Variants in CAPN8 observed in about 807,000 individuals in gnomAD.
CAPN8 encodes the protein calpain-8.
In CAPN8, 87 loss-of-function variants were observed where a neutral mutation model predicts 80.9. That is an observed-to-expected ratio of 1.07 (90% confidence interval 0.90 to 1.28). The LOEUF is 1.28. Among genes scored for constraint, CAPN8 ranks in the 50% most tolerant of loss-of-function variants. The pLI is 0.00. For missense variants in CAPN8, 757 were observed against 702.0 expected, an observed-to-expected ratio of 1.08 and a Z score of -0.89; for synonymous variants, 299 against 273.8, an observed-to-expected ratio of 1.09 and a Z score of -0.91.
chr1:223,626,229 C>G (rs1292906635), intron 5 of CAPN8, among the ~76,000 whole-genome samples: 4 of 152,100 alleles, frequency 2.6e-5, no homozygotes, highest in Non-Finnish European at 5.9e-5. Context: ...CTGGACAGGT[C>G]CCAGTCCTCC....
intron 10 of CAPN8, among the ~76,000 whole-genome samples, chr1:223,614,990 C>A (rs986710553): frequency 6.6e-6 from 1 of 152,212 alleles, no homozygotes; most frequent in Non-Finnish European, 1.5e-5. Context: ...AAAATATACT[C>A]GCATGCTCGT....
At chr1:223,630,874 A>G (rs1438761708) in intron 2 of CAPN8, among the ~76,000 whole-genome samples, 2 of 152,092 alleles carry the variant, frequency 1.3e-5, no homozygotes, top group Non-Finnish European at 2.9e-5. Context: ...GGCAACTTCC[A>G]AAGGTTGAGC....
chr1:223,545,577 T>C (rs1656599718), intron 16 of CAPN8, among the ~76,000 whole-genome samples: 1 of 152,210 alleles, frequency 6.6e-6, no homozygotes, highest in South Asian at 2.1e-4. Context: ...CTAATCATCC[T>C]GGTTTATTTA....
chr1:223,620,464 A>T (rs909164214), intron 7 of CAPN8, among the ~76,000 whole-genome samples, 198 bp from the exon 8 acceptor site: 13 of 152,196 alleles, frequency 8.5e-5, no homozygotes, highest in African/African-American at 3.1e-4. Flanking sequence ...CACGGACTCC[A>T]TGGGCACTAG....
Position 223,665,584 on chromosome 1 carries a change from G to T in CAPN8, c.63C>A (p.Asn21Lys). 2 of 1,551,686 alleles carry T rather than the reference G, an allele frequency of 1.3e-6. No individual in the cohort carries two copies. The highest frequency in any genetic ancestry group is 8.7e-7 in the Non-Finnish European group (1 of 1,146,996). The change falls in exon 1 of 21, where the codon AAC (asparagine) becomes AAA (lysine). Residue 21 changes from asparagine to lysine, a missense_variant. By Grantham distance (94) the Asn-to-Lys change is moderately conservative. Transcript: ENST00000366872. ...GGCCCAAGTACTTCAAAGCGTTTTG[G>T]TTGGAGCCAAGACCTTGAGTGGCTG... ...QRAATQGLGSNQNALKYLGQD... is the reference protein window; with the variant it reads ...QRAATQGLGSKQNALKYLGQD...
At chr1:223,546,030 C>G (rs1656612726) in intron 16 of CAPN8, among the ~76,000 whole-genome samples, 1 of 146,520 alleles carries the variant, frequency 6.8e-6, no homozygotes. Context: ...GATGGTTTCA[C>G]CATGTTGGCC....
chr1:223,610,943 G>A (rs960594074), intron 11 of CAPN8, among the ~76,000 whole-genome samples: 1 of 152,154 alleles, frequency 6.6e-6, no homozygotes, highest in African/African-American at 2.4e-5. Context: ...TCCAGGAGCA[G>A]GGCCCAAAAA....
chr1:223,543,546 G>C (rs1656530936), intron 19 of CAPN8, among the ~76,000 whole-genome samples: 1 of 152,098 alleles, frequency 6.6e-6, no homozygotes, highest in Admixed American at 6.5e-5. Context: ...AACTGACCTT[G>C]ACCCACTAGA....
intron 2 of CAPN8, among the ~76,000 whole-genome samples, chr1:223,647,587 G>A (rs1023482105): frequency 1.3e-5 from 2 of 151,996 alleles, no homozygotes; most frequent in African/African-American, 4.8e-5. Context: ...AAAAAGAACA[G>A]GTCACAGATT....
intron 1 of CAPN8, among the ~76,000 whole-genome samples, chr1:223,661,450 C>G (rs1212695204): frequency 2.0e-5 from 3 of 152,076 alleles, no homozygotes; most frequent in Non-Finnish European, 4.4e-5. Context: ...GCCAACATGG[C>G]AAAACCCTGT....
chr1:223,544,993 G>A (rs1656581432), intron 17 of CAPN8, 143 bp from the exon 18 acceptor site: 3 of 1,473,016 alleles, frequency 2.0e-6, no homozygotes, highest in Non-Finnish European at 2.7e-6. Flanking sequence ...GAAGGTTTCA[G>A]AGCAAGCATA....
chr1:223,622,004 C>A (rs1317339159), intron 7 of CAPN8, among the ~76,000 whole-genome samples: 1 of 152,044 alleles, frequency 6.6e-6, no homozygotes, highest in Non-Finnish European at 1.5e-5. Flanking sequence ...CGGGGTTTCA[C>A]CATGTTGGTC....
intron 2 of CAPN8, among the ~76,000 whole-genome samples, chr1:223,650,560 A>C (rs1437841611): frequency 6.6e-6 from 1 of 152,220 alleles, no homozygotes; most frequent in Non-Finnish European, 1.5e-5. Context: ...TTCCTGCCAG[A>C]TGGATCCTGT....
chr1:223,630,872 C>A (rs192124960), intron 2 of CAPN8, among the ~76,000 whole-genome samples: 1 of 152,126 alleles, frequency 6.6e-6, no homozygotes, highest in African/African-American at 2.4e-5. Flanking sequence ...AAGGCAACTT[C>A]CAAAGGTTGA....
rs549907179 is a variant in CAPN8, at chr1:223,613,234, G to T, written c.1312-977C>A. ...TATTACAGAAAATGTGTATCAGCTG[G>T]CATGCTCACTTCTGGAGCCCCCATG... On this transcript the variant is annotated intron_variant, in intron 10 of 20. Transcript: ENST00000366872. Among the ~76,000 whole-genome samples, 3 of 152,328 alleles carry T rather than the reference G, an allele frequency of 2.0e-5. No individual in the cohort carries two copies. In the East Asian group the frequency reaches 5.8e-4, roughly 29 times the overall value.
At chr1:223,624,979 G>A (rs1403684502) in intron 6 of CAPN8, among the ~76,000 whole-genome samples, 2 of 152,124 alleles carry the variant, frequency 1.3e-5, no homozygotes, top group East Asian at 3.9e-4. Context: ...TGTAGTCCCA[G>A]CTACTCAGGA....
intron 1 of CAPN8, among the ~76,000 whole-genome samples, chr1:223,663,581 G>A (rs977494305): frequency 7.2e-5 from 11 of 152,182 alleles, no homozygotes; most frequent in Admixed American, 3.3e-4. Context: ...TCCAATCAGT[G>A]CAGAGCCCAT....
Position 223,543,167 on chromosome 1 carries a change from C to T in CAPN8, c.2030-1G>A. 1 of 1,551,596 alleles carries T rather than the reference C, an allele frequency of 6.4e-7. No homozygotes were observed. Among genetic ancestry groups the T allele is most frequent in the Non-Finnish European group, 8.7e-7 (1 of 1,146,924 alleles). On this transcript the variant is annotated splice_acceptor_variant, in intron 19 of 20. Coordinates refer to ENST00000366872, the MANE Select transcript of CAPN8 (RefSeq NM_001143962.2). LOFTEE classifies it high-confidence loss of function. ...TCTTCGTCCAGAAGGCTGAATAGTT[C>T]TAAAACACCAGAGAAGGAAATGAAA...
chr1:223,550,190 T>C (rs1326015696), intron 15 of CAPN8, among the ~76,000 whole-genome samples: 2 of 152,152 alleles, frequency 1.3e-5, no homozygotes, highest in African/African-American at 4.8e-5. Context: ...CTTCAACAAC[T>C]GCAGGAGCAA....
Sources: allele counts gnomAD v4.1 joint callset (sites outside exome capture counted in the v4.1 genomes callset), GRCh38; gene constraint gnomAD v4.1.1; transcripts MANE v1.5; gene names NCBI Gene and HGNC (gene_info 2026-07-23, HGNC 2026-07-21).